Variants in ZBTB7C observed in about 807,000 individuals in gnomAD.
The protein encoded by ZBTB7C is zinc finger and BTB domain-containing protein 7C.
ZBTB7C carries 8 observed loss-of-function variants against 25.7 expected under a neutral mutation model. The observed-to-expected ratio is 0.31, with a 90% confidence interval of 0.18 to 0.56. The LOEUF is 0.56. ZBTB7C is among the 20% of genes least tolerant of loss of function. The pLI, the probability that ZBTB7C is intolerant of heterozygous loss-of-function variation, is 0.91. For missense variants in ZBTB7C, 824 were observed against 855.2 expected, an observed-to-expected ratio of 0.96 and a Z score of 0.46; for synonymous variants, 394 against 369.0, an observed-to-expected ratio of 1.07 and a Z score of -0.78.
At chr18:48,301,650 G>A (rs568069553) in intron 2 of ZBTB7C, among the ~76,000 whole-genome samples, 8 of 152,282 alleles carry the variant, frequency 5.3e-5, no homozygotes, top group African/African-American at 1.2e-4. Flanking sequence ...ATATTTAAGC[G>A]AGGCTAGTGG....
At chr18:48,036,438 T>A (rs1341840325) in intron 4 of ZBTB7C, among the ~76,000 whole-genome samples, 1 of 152,038 alleles carries the variant, frequency 6.6e-6, no homozygotes, top group East Asian at 1.9e-4. Flanking sequence ...AGGGCTACCA[T>A]GCAGGGGAAG....
At chr18:48,044,506 G>A (rs1005657654) in intron 3 of ZBTB7C, among the ~76,000 whole-genome samples, 2 of 152,258 alleles carry the variant, frequency 1.3e-5, no homozygotes, top group Admixed American at 6.5e-5. Flanking sequence ...CAAGAAGGCT[G>A]CCTTTGGGCA....
At chr18:48,060,392 C>A (rs2037082865) in intron 3 of ZBTB7C, among the ~76,000 whole-genome samples, 1 of 152,138 alleles carries the variant, frequency 6.6e-6, no homozygotes, top group Admixed American at 6.5e-5. Flanking sequence ...AGCTCCCAAA[C>A]CTTGGCTGAG....
chr18:48,348,067 T>C lies in ZBTB7C; in HGVS notation c.-303-9669A>G, dbSNP rs374069713. 3.1e-3 allele frequency among the ~76,000 whole-genome samples: 470 copies of C among 152,266 alleles called. 4 individuals carry two copies. The highest frequency in any genetic ancestry group is 0.011 in the African/African-American group (441 of 41,558). On this transcript the variant is annotated intron_variant, in intron 1 of 4. Transcript: ENST00000590800. ...AAATAGCATGAGCCTTGCAAAATAATAACTACCAAGAGCCAGGCATTTTCC... is the reference window on the plus strand; with the variant it reads ...AAATAGCATGAGCCTTGCAAAATAACAACTACCAAGAGCCAGGCATTTTCC...
chr18:48,031,459 T>C (rs539913594), intron 4 of ZBTB7C, among the ~76,000 whole-genome samples: 2 of 152,338 alleles, frequency 1.3e-5, no homozygotes, highest in South Asian at 4.1e-4. Context: ...TCTGCTGTGA[T>C]ATCCCACCCC....
intron 2 of ZBTB7C, among the ~76,000 whole-genome samples, chr18:48,257,205 C>T (rs1007992075): frequency 2.6e-5 from 4 of 151,962 alleles, no homozygotes; most frequent in Admixed American, 6.6e-5. Flanking sequence ...ATATTAGTGT[C>T]AGACAAAGTA....
chr18:48,097,696 G>A (rs771877328), intron 3 of ZBTB7C, among the ~76,000 whole-genome samples: 9 of 152,136 alleles, frequency 5.9e-5, no homozygotes, highest in Non-Finnish European at 8.8e-5. Context: ...GGCGCCCAGC[G>A]TGGATAGACA....
chr18:48,257,664 A>G (rs960747513), intron 2 of ZBTB7C, among the ~76,000 whole-genome samples: 2 of 152,200 alleles, frequency 1.3e-5, no homozygotes, highest in Non-Finnish European at 2.9e-5. Flanking sequence ...ATGAAATTTC[A>G]GCAAATAGAA....
At chr18:48,136,033 A>C (rs1176044584) in intron 3 of ZBTB7C, among the ~76,000 whole-genome samples, 1 of 152,180 alleles carries the variant, frequency 6.6e-6, no homozygotes, top group African/African-American at 2.4e-5. Context: ...CCCTCACCAC[A>C]GAGCACGGCG....
chr18:48,158,397 T>C (rs955979316), intron 3 of ZBTB7C, among the ~76,000 whole-genome samples: 2 of 152,122 alleles, frequency 1.3e-5, no homozygotes, highest in African/African-American at 4.8e-5. Context: ...GAGCTGGGTC[T>C]AGGAGCCAGG....
chr18:48,227,214 G>A (rs1213014692), intron 2 of ZBTB7C, among the ~76,000 whole-genome samples: 1 of 152,174 alleles, frequency 6.6e-6, no homozygotes, highest in Non-Finnish European at 1.5e-5. Context: ...AAAGGCCACT[G>A]TATTCTGTTT....
At chr18:48,149,877 C>A (rs562027214) in intron 3 of ZBTB7C, 2 of 148,800 alleles carry the variant, frequency 1.3e-5, no homozygotes, top group East Asian at 4.0e-4. Flanking sequence ...AATCTCGGCT[C>A]ACTGCAACCT....
intron 3 of ZBTB7C, chr18:48,165,501 C>G (rs1049196249): frequency 7.9e-6 from 2 of 251,732 alleles, no homozygotes; most frequent in African/African-American, 4.6e-5. Flanking sequence ...AGCACCTGCT[C>G]TAGTCCTTGT....
At chr18:48,060,908 C>T (rs1287894744) in intron 3 of ZBTB7C, among the ~76,000 whole-genome samples, 14 of 151,992 alleles carry the variant, frequency 9.2e-5, no homozygotes, top group African/African-American at 2.9e-4. Context: ...ACCCATAGCC[C>T]GTAGAGTGAA....
At position 48,071,172 on chromosome 18, in the gene ZBTB7C, C is replaced by T. The variant is rs183793164; in HGVS notation, c.-16-30049G>A. ...AACATCCTTTACACAAAGGCACTAC[C>T]GCCACAGGTACTATTTAGAAGATCC... is the stretch of plus-strand genomic sequence containing the variant. On this transcript the variant is annotated intron_variant, in intron 3 of 4. Coordinates refer to ENST00000590800, the MANE Select transcript of ZBTB7C (RefSeq NM_001318841.2). 4.1e-4 allele frequency among the ~76,000 whole-genome samples: 63 copies of T among 152,252 alleles called. No individual in the cohort carries two copies. In the South Asian group the frequency reaches 5.4e-3, roughly 13 times the overall value.
intron 1 of ZBTB7C, among the ~76,000 whole-genome samples, chr18:48,351,613 C>T (rs1459860427): frequency 6.6e-6 from 1 of 152,222 alleles, no homozygotes; most frequent in African/African-American, 2.4e-5. Flanking sequence ...TTTTCCTGCT[C>T]TTAATCCATT....
chr18:48,272,932 T>C (rs999927554), intron 2 of ZBTB7C, among the ~76,000 whole-genome samples: 3 of 152,184 alleles, frequency 2.0e-5, no homozygotes, highest in Non-Finnish European at 4.4e-5. Flanking sequence ...TCTATTTATA[T>C]GAAACATAGA....
At chr18:48,412,072 G>A (rs572108985), upstream of ZBTB7C, among the ~76,000 whole-genome samples, 1 of 152,336 alleles carries the variant, frequency 6.6e-6, no homozygotes, top group African/African-American at 2.4e-5. Context: ...CTGTAAAAAG[G>A]GAGATAATAG....
chr18:48,148,121 C>G (rs7505482), intron 3 of ZBTB7C: 58,994 of 150,994 alleles, frequency 0.39, 13,039 homozygotes, highest in East Asian at 0.5. Flanking sequence ...CTCAGCCTCC[C>G]AAGTAGCTGG....
Sources: gnomAD v4.1 joint callset for allele counts (sites outside exome capture counted in the v4.1 genomes callset) on GRCh38, gnomAD v4.1.1 for gene constraint, MANE v1.5 for transcripts, NCBI Gene and HGNC (gene_info 2026-07-23, HGNC 2026-07-21) for gene names.